Variants in SCAP observed in about 807,000 individuals in gnomAD.
The protein encoded by SCAP is sterol regulatory element-binding protein cleavage-activating protein.
SCAP carries 65 observed loss-of-function variants against 123.6 expected under a neutral mutation model. That is an observed-to-expected ratio of 0.53 (90% CI 0.43 to 0.65). The LOEUF (loss-of-function observed/expected upper bound fraction) is 0.65, where lower values mean the gene tolerates loss of function less well. Ranked by LOEUF, SCAP falls within the 30% of genes least tolerant of loss-of-function variation. The pLI is 0.00. For synonymous variants in SCAP, 740 were observed against 726.3 expected (o/e 1.02, Z -0.30); for missense variants, 1,398 against 1,712.5 (o/e 0.82, Z 3.24).
upstream of SCAP, among the ~76,000 whole-genome samples, chr3:47,476,653 G>A (rs972455312): frequency 8.5e-5 from 13 of 152,132 alleles, no homozygotes; most frequent in African/African-American, 2.7e-4. Flanking sequence ...TGTCAGTTGC[G>A]GAGCTGGTAT....
At chr3:47,438,134 C>G (rs1344109759) in intron 2 of SCAP, among the ~76,000 whole-genome samples, 1 of 152,214 alleles carries the variant, frequency 6.6e-6, no homozygotes, top group Non-Finnish European at 1.5e-5. Context: ...ATTTCATTTA[C>G]TTACTACTGG....
intron 1 of SCAP, among the ~76,000 whole-genome samples, chr3:47,460,775 C>A (rs930762681): frequency 1.4e-4 from 22 of 152,240 alleles, no homozygotes; most frequent in African/African-American, 4.6e-4. Context: ...CCAGGCTGGT[C>A]TTGAACTCCT....
intron 9 of SCAP, chr3:47,422,742 GA>G (rs1705959906): frequency 2.0e-6 from 1 of 501,920 alleles, no homozygotes; most frequent in South Asian, 3.2e-5. Flanking sequence ...CTGCTACGGG[GA>G]ACGGGTGTTC....
chr3:47,415,330 G>A (rs574424909), intron 18 of SCAP, 150 bp from the exon 19 acceptor site: 8 of 638,434 alleles, frequency 1.3e-5, no homozygotes, highest in South Asian at 2.8e-5. Flanking sequence ...ACAGATGCTG[G>A]AGCCAGAGGG....
chr3:47,454,152 G>A (rs1248087152), intron 1 of SCAP, among the ~76,000 whole-genome samples: 1 of 152,104 alleles, frequency 6.6e-6, no homozygotes, highest in Non-Finnish European at 1.5e-5. Flanking sequence ...CGGATCACAA[G>A]GTCAGGAGAT....
chr3:47,476,519 T>C (rs1274430067), upstream of SCAP, among the ~76,000 whole-genome samples: 7 of 152,204 alleles, frequency 4.6e-5, no homozygotes, highest in Admixed American at 2.0e-4. Flanking sequence ...ATGAGAAGAA[T>C]AAATAATGTC....
In SCAP at chr3:47,435,127, G is replaced by C. The variant is rs142327684; in HGVS notation, c.133C>G (p.Leu45Val). The C allele has an allele frequency of 5.0e-6, 8 of 1,613,706 alleles. No individual in the cohort carries two copies. In the East Asian group the frequency reaches 1.8e-4, roughly 36 times the overall value. ...CCTGTTCCTGGCAAGGGGAGTTTCA[G>C]CAGTGGGTAGCTGGGATGTACAAAA... is the stretch of plus-strand genomic sequence containing the variant. The part of the protein sequence containing the change: ...FCILACCYPL[L>V]KLPLPGTGPV... Residue 45 changes from leucine (L) to valine (V), a missense_variant, in exon 3 of 23, where the codon CTG (leucine) becomes GTG (valine). Leu to Val is a conservative substitution (Grantham distance 32, BLOSUM62 1). This residue lies in a region of SCAP where 319 missense variants were observed against 432.4 expected (regional missense o/e 0.74). Coordinates refer to ENST00000265565, the MANE Select transcript of SCAP (RefSeq NM_012235.4).
Position 47,414,943 on chromosome 3 carries a change from C to T in SCAP, c.3190G>A (p.Asp1064Asn), listed in dbSNP as rs772658776. ...SPASPVYSSS[D>N]TVACHLTHTV... ...TGGGTCAGGTGACAGGCCACTGTGT[C>T]GCTGCTGCTGTACACTGGAGAGGCA... The change falls in exon 20 of 23, where the codon GAC (aspartate) becomes AAC (asparagine). Residue 1064 changes from aspartate (D) to asparagine (N), a missense_variant. Around this residue, in one of 7 missense-constraint regions of SCAP, gnomAD observed 828 missense variants for 882.5 expected, o/e 0.94. Transcript: ENST00000265565. 40 of 1,611,278 alleles carry T rather than the reference C, an allele frequency of 2.5e-5. No homozygotes were observed. The highest frequency in any genetic ancestry group is 4.5e-5 in the East Asian group (2 of 44,882).
rs576969400 is a variant in SCAP at position 47,416,109 on chromosome 3, C to G, written c.3057-929G>C. 2.7e-4 allele frequency among the ~76,000 whole-genome samples: 41 copies of G among 152,326 alleles called. No homozygotes were observed. The South Asian group carries it at 7.9e-3, about 29-fold the overall frequency. ...CTAAGGGCAAGGGACGCCCCCTCCCCAAGGAAAAAGACTCCAGCTCTAGGT... is the reference window on the plus strand; with the variant it reads ...CTAAGGGCAAGGGACGCCCCCTCCCGAAGGAAAAAGACTCCAGCTCTAGGT... On this transcript the variant is annotated intron_variant, in intron 18 of 22. Coordinates refer to ENST00000265565, the MANE Select transcript of SCAP (RefSeq NM_012235.4).
chr3:47,436,360 G>C (rs984915350), intron 2 of SCAP, among the ~76,000 whole-genome samples: 1 of 152,104 alleles, frequency 6.6e-6, no homozygotes, highest in African/African-American at 2.4e-5. Context: ...AGCTGGGTGC[G>C]GTGGCTCAAG....
intron 5 of SCAP, 52 bp downstream of exon 5, chr3:47,427,395 G>T (rs190990044): frequency 6.3e-7 from 1 of 1,585,076 alleles, no homozygotes; most frequent in East Asian, 2.2e-5. Flanking sequence ...TCAAAAAGAC[G>T]GTGACCAATG....
rs967564480 is a variant in SCAP, at chr3:47,414,324, G to A, written c.3450C>T (p.Gly1150=). 4 of 1,613,188 alleles carry A rather than the reference G, an allele frequency of 2.5e-6. No homozygotes were observed. The highest frequency in any genetic ancestry group is 3.4e-6 in the Non-Finnish European group (4 of 1,180,026). ...GAICLWDVLT[G]SRVSHVFAHR... ...GAGCAAACACATGGCTGACCCGGCT[G>A]CCAGTCAGTACATCCCACAGGCAGA... Residue 1150 remains glycine (G), a synonymous_variant, in exon 22 of 23, where the codon GGC becomes GGT. Transcript: ENST00000265565.
intron 1 of SCAP, among the ~76,000 whole-genome samples, chr3:47,472,332 G>A (rs1708056457): frequency 1.3e-5 from 2 of 150,888 alleles, no homozygotes; most frequent in South Asian, 4.2e-4. Context: ...TACTCGGGAG[G>A]CTGAGGCAGG....
In SCAP at chr3:47,419,305, G is replaced by A; in HGVS notation, c.1940+23C>T. On this transcript the variant is annotated intron_variant, in intron 13 of 22. Coordinates refer to ENST00000265565, the MANE Select transcript of SCAP (RefSeq NM_012235.4). This position sits in a 1 kb window ranked among gnomAD's most constrained non-coding sequence, Gnocchi z 5.0. Reference sequence around the variant, plus strand: ...TGAGTTGACACCATCGAGTGAGGTGGCACCTGGCACGGCCCAGCTCACCTC... The same window carrying A: ...TGAGTTGACACCATCGAGTGAGGTGACACCTGGCACGGCCCAGCTCACCTC... 6.3e-7 allele frequency: 1 copy of A among 1,586,692 alleles called. No homozygotes were observed. Among genetic ancestry groups the A allele is most frequent in the Non-Finnish European group, 8.6e-7 (1 of 1,163,400 alleles).
intron 18 of SCAP, among the ~76,000 whole-genome samples, chr3:47,415,834 G>A (rs1283780886): frequency 5.3e-5 from 8 of 152,202 alleles, no homozygotes; most frequent in Non-Finnish European, 1.0e-4. Flanking sequence ...CACCAGAGCT[G>A]GGGAAGCCAG....
At chr3:47,436,891 G>A (rs897517463) in intron 2 of SCAP, among the ~76,000 whole-genome samples, 4 of 152,164 alleles carry the variant, frequency 2.6e-5, no homozygotes, top group East Asian at 1.9e-4. Flanking sequence ...AAAGGTAACT[G>A]TTAGAATCTC....
intron 3 of SCAP, among the ~76,000 whole-genome samples, chr3:47,430,963 C>T (rs1169563510): frequency 6.6e-6 from 1 of 152,186 alleles, no homozygotes; most frequent in Admixed American, 6.5e-5. Context: ...CAAGTTAATG[C>T]CTCCTGGGAC....
chr3:47,415,164 G>T lies in SCAP; in HGVS notation c.3073C>A (p.Leu1025Ile). ...FLDKRIVAAR[L>I]NGSLDFFSLE... Reference sequence around the variant, plus strand: ...GAGAAGAAATCAAGGGAACCGTTGAGCCGTGCAGCCACAATCCTGGAAGAG... The same window carrying T: ...GAGAAGAAATCAAGGGAACCGTTGATCCGTGCAGCCACAATCCTGGAAGAG... The change falls in exon 19 of 23, where the codon CTC (leucine) becomes ATC (isoleucine). Residue 1025 changes from leucine (L) to isoleucine (I), a missense_variant. Transcript: ENST00000265565. 1 of 1,612,126 alleles carries T rather than the reference G, an allele frequency of 6.2e-7. No homozygotes were observed. The highest frequency in any genetic ancestry group is 8.5e-7 in the Non-Finnish European group (1 of 1,179,494).
rs1290699386 is a variant in SCAP at position 47,413,732 on chromosome 3, A to ATATT, written c.*118_*121dup. 6 of 1,331,538 alleles carry ATATT rather than the reference A, an allele frequency of 4.5e-6. No individual in the cohort carries two copies. Among genetic ancestry groups the ATATT allele is most frequent in the East Asian group, 4.6e-5 (2 of 43,110 alleles). 82.5% of individuals were successfully genotyped at this position (1,331,538 alleles called of 1,614,324 possible). A position where few individuals can be genotyped will look rare whatever the true frequency, so the allele number is the denominator to read the frequency against. The stretch of plus-strand genomic sequence containing the variant: ...TGATATGGTTTTTTAAAAAAGTTTA[A>ATATT]TATTATTACAGTCAGGAGGCAGCGG... On this transcript the variant is annotated 3_prime_UTR_variant, in exon 23 of 23. Transcript: ENST00000265565.
Sources: gnomAD v4.1 joint callset for allele counts (sites outside exome capture counted in the v4.1 genomes callset) on GRCh38, gnomAD v4.1.1 for gene constraint, gnomAD v4.1.1 regional missense constraint, Gnocchi (gnomAD v3.1) non-coding constraint, MANE v1.5 for transcripts, NCBI Gene and HGNC (gene_info 2026-07-23, HGNC 2026-07-21) for gene names.